RAP1GDS1: variants seen among roughly 807,000 people sequenced by gnomAD.
RAP1GDS1 encodes Rap1 GTPase-GDP dissociation stimulator 1, also known as RAP1, GTP-GDP dissociation stimulator 1.
Under a neutral mutation model 71.1 loss-of-function variants are expected in RAP1GDS1, and 35 were observed. The ratio of observed to expected loss-of-function variants is 0.49; its 90% CI spans 0.38 to 0.65. RAP1GDS1 has a LOEUF of 0.65. Ranked by LOEUF, RAP1GDS1 falls within the 30% of genes least tolerant of loss-of-function variation. RAP1GDS1 has a pLI of 0.00. For missense variants in RAP1GDS1, 663 were observed against 706.1 expected, an observed-to-expected ratio of 0.94 and a Z score of 0.69; for synonymous variants, 229 against 243.1, an observed-to-expected ratio of 0.94 and a Z score of 0.54.
At chr4:98,385,678 T>G (rs1217591736) in intron 5 of RAP1GDS1, among the ~76,000 whole-genome samples, 1 of 151,938 alleles carries the variant, frequency 6.6e-6, no homozygotes, top group Non-Finnish European at 1.5e-5. Context: ...CTTGAAAAAC[T>G]AGAAAGTGAA....
At chr4:98,419,822 T>G (rs2110190100) in intron 10 of RAP1GDS1, among the ~76,000 whole-genome samples, 197 bp from the exon 11 acceptor site, 1 of 152,340 alleles carries the variant, frequency 6.6e-6, no homozygotes, top group South Asian at 2.1e-4. Flanking sequence ...GTTATCCGCT[T>G]ATACACAAAT....
chr4:98,332,350 C>T (rs1734131392), intron 2 of RAP1GDS1, among the ~76,000 whole-genome samples: 1 of 152,180 alleles, frequency 6.6e-6, no homozygotes, highest in South Asian at 2.1e-4. Flanking sequence ...GACAAGAGTG[C>T]AGAATCAAGT....
intron 6 of RAP1GDS1, among the ~76,000 whole-genome samples, chr4:98,401,032 GAA>G (rs1745334796): frequency 6.6e-6 from 1 of 152,150 alleles, no homozygotes; most frequent in African/African-American, 2.4e-5. Flanking sequence ...GGATTTAAAT[GAA>G]GAAAAACTAC....
At chr4:98,264,066 G>C (rs1269209725) in intron 1 of RAP1GDS1, among the ~76,000 whole-genome samples, 1 of 152,164 alleles carries the variant, frequency 6.6e-6, no homozygotes, top group Non-Finnish European at 1.5e-5. Flanking sequence ...TAATGATGAG[G>C]GGAGGGAGAA....
chr4:98,377,057 CAT>C (rs1464765743), intron 4 of RAP1GDS1, among the ~76,000 whole-genome samples: 5 of 152,042 alleles, frequency 3.3e-5, no homozygotes. Context: ...ATAGGTGCCA[CAT>C]AGTTTCTAAG....
At chr4:98,382,871 C>T (rs1342273826) in intron 5 of RAP1GDS1, among the ~76,000 whole-genome samples, 1 of 151,598 alleles carries the variant, frequency 6.6e-6, no homozygotes, top group Non-Finnish European at 1.5e-5. Flanking sequence ...AGTTGATGTT[C>T]CTTATCTACG....
chr4:98,297,018 C>CTT (rs368390868), intron 2 of RAP1GDS1: 1,999 of 152,858 alleles, frequency 0.013, 12 homozygotes, highest in African/African-American at 0.021. Context: ...GCCTCGTTCT[C>CTT]TTTTTTTTTT....
rs1456685859 is a variant in RAP1GDS1, at chr4:98,436,977, A to G, written c.1605A>G (p.Val535=). 1.2e-6 allele frequency: 2 copies of G among 1,611,752 alleles called. No homozygotes were observed. The highest frequency in any genetic ancestry group is 1.7e-6 in the Non-Finnish European group (2 of 1,179,412). Residue 535 remains valine (V), a synonymous_variant, in exon 14 of 15, where the codon GTA becomes GTG. Transcript: ENST00000408927. The part of the protein sequence containing the change: ...AEKDLESAKL[V]QILHRLLADE... ...AAGATCTAGAAAGTGCTAAACTTGT[A>G]CAGATTTTACATAGACTGCTAGCAG... is the stretch of plus-strand genomic sequence containing the variant.
intron 1 of RAP1GDS1, among the ~76,000 whole-genome samples, chr4:98,290,378 T>C (rs149217922): frequency 1.4e-4 from 22 of 152,242 alleles, no homozygotes; most frequent in African/African-American, 5.3e-4. Flanking sequence ...CAGTCAAGTG[T>C]ATTCTTTGTT....
intron 2 of RAP1GDS1, among the ~76,000 whole-genome samples, chr4:98,295,818 A>G (rs1322955542): frequency 1.3e-5 from 2 of 152,038 alleles, no homozygotes; most frequent in Non-Finnish European, 2.9e-5. Context: ...TTCTTGAACT[A>G]TAAAGTGATA....
chr4:98,349,914 T>G (rs1454354110), intron 3 of RAP1GDS1, among the ~76,000 whole-genome samples: 1 of 152,202 alleles, frequency 6.6e-6, no homozygotes, highest in Non-Finnish European at 1.5e-5. Context: ...TACCACTCTT[T>G]GTTTAAAAAA....
intron 12 of RAP1GDS1, among the ~76,000 whole-genome samples, chr4:98,429,410 A>G (rs1349770546): frequency 2.0e-5 from 3 of 152,212 alleles, no homozygotes; most frequent in Non-Finnish European, 4.4e-5. Context: ...AAACCCAAAC[A>G]TCATATGTTC....
intron 7 of RAP1GDS1, among the ~76,000 whole-genome samples, chr4:98,405,212 G>T (rs1450661311): frequency 6.6e-6 from 1 of 152,104 alleles, no homozygotes; most frequent in Non-Finnish European, 1.5e-5. Context: ...AGAGGTAAAA[G>T]CTAGCTTAAA....
chr4:98,342,572 T>G (rs939959960), intron 2 of RAP1GDS1, among the ~76,000 whole-genome samples: 1 of 152,068 alleles, frequency 6.6e-6, no homozygotes, highest in Non-Finnish European at 1.5e-5. Flanking sequence ...ATACTATGGG[T>G]TTTTGCAGTG....
chr4:98,437,139 G>C (rs1284745703), intron 14 of RAP1GDS1, 71 bp downstream of exon 14: 3 of 1,368,142 alleles, frequency 2.2e-6, no homozygotes, highest in Non-Finnish European at 2.8e-6. Flanking sequence ...TAGAGTAATA[G>C]TAAATGATGG....
chr4:98,267,962 T>G lies in RAP1GDS1; in HGVS notation c.4+6393T>G, dbSNP rs1007690531. 2.0e-5 allele frequency among the ~76,000 whole-genome samples: 3 copies of G among 152,222 alleles called. No homozygotes were observed. The South Asian group carries it at 6.2e-4, about 31-fold the overall frequency. On this transcript the variant is annotated intron_variant, in intron 1 of 14. Coordinates refer to ENST00000408927, the MANE Select transcript of RAP1GDS1 (RefSeq NM_001100427.2). ...TGTCTGAACTAATTTATATTTCCAC[T>G]AACAGTGTAAAAACATTCTCTTTTC... is the stretch of plus-strand genomic sequence containing the variant.
chr4:98,378,263 T>C (rs1741473377), intron 4 of RAP1GDS1, among the ~76,000 whole-genome samples: 1 of 151,958 alleles, frequency 6.6e-6, no homozygotes, highest in African/African-American at 2.4e-5. Context: ...TTGTATGTTC[T>C]GACAGTTAAG....
chr4:98,386,507 C>G (rs554442858), intron 5 of RAP1GDS1, among the ~76,000 whole-genome samples: 1 of 150,444 alleles, frequency 6.6e-6, no homozygotes, highest in Non-Finnish European at 1.5e-5. Context: ...TATTTGTTAG[C>G]GACTAGGAAG....
At chr4:98,419,584 A>G (rs1578819999) in intron 10 of RAP1GDS1, among the ~76,000 whole-genome samples, 1 of 152,348 alleles carries the variant, frequency 6.6e-6, no homozygotes, top group East Asian at 1.9e-4. Context: ...ATGAAATAGT[A>G]CAATTACATG....
Sources: gnomAD v4.1 joint callset for allele counts (sites outside exome capture counted in the v4.1 genomes callset) on GRCh38, gnomAD v4.1.1 for gene constraint, MANE v1.5 for transcripts, NCBI Gene and HGNC (gene_info 2026-07-23, HGNC 2026-07-21) for gene names.